The following MAN1C1 variants were observed in gnomAD, a reference collection of about 807,000 sequenced individuals.
The protein encoded by MAN1C1 is mannosidase alpha class 1C member 1.
A neutral mutation model predicts 71.5 loss-of-function variants in MAN1C1; 49 were observed. The observed-to-expected ratio is 0.69, with a 90% confidence interval of 0.54 to 0.87. The LOEUF is 0.87. Ranked by LOEUF, MAN1C1 falls within the 40% of genes least tolerant of loss-of-function variation. The pLI, the probability that MAN1C1 is intolerant of heterozygous loss-of-function variation, is 0.00. For synonymous variants in MAN1C1, 352 were observed against 343.7 expected, an observed-to-expected ratio of 1.02 and a Z score of -0.27; for missense variants, 743 against 835.0, an observed-to-expected ratio of 0.89 and a Z score of 1.36.
intron 1 of MAN1C1, among the ~76,000 whole-genome samples, chr1:25,650,497 T>G (rs1434270386): frequency 6.6e-6 from 1 of 152,172 alleles, no homozygotes; most frequent in Non-Finnish European, 1.5e-5. Context: ...TGTTCTGAGG[T>G]TATTTGGGGT....
At chr1:25,658,132 T>G (rs1572127244) in intron 1 of MAN1C1, among the ~76,000 whole-genome samples, 1 of 152,216 alleles carries the variant, frequency 6.6e-6, no homozygotes, top group Non-Finnish European at 1.5e-5. Context: ...GCCTAGTAGA[T>G]ATTAGAAATT....
intron 1 of MAN1C1, among the ~76,000 whole-genome samples, chr1:25,676,445 TG>T: frequency 6.6e-6 from 1 of 152,190 alleles, no homozygotes; most frequent in Non-Finnish European, 1.5e-5. Context: ...CAGGTCATGT[TG>T]TGTTGCCCCA....
Position 25,782,064 on chromosome 1 carries a change from G to A in MAN1C1, c.1651-521G>A, listed in dbSNP as rs1033115982. ...CGCCCCACTGCCCTCCAGCCTGGGC[G>A]ACAAAATGAGACCTTGTCTCAAGAA... On this transcript the variant is annotated intron_variant, in intron 10 of 11. Transcript: ENST00000374332. The surrounding 1 kb of genome is among the most constrained non-coding windows in gnomAD (Gnocchi z 4.4). Among the ~76,000 whole-genome samples, 14 of 150,260 alleles carry A rather than the reference G, an allele frequency of 9.3e-5. No individual in the cohort carries two copies. The highest frequency in any genetic ancestry group is 1.6e-4 in the Non-Finnish European group (11 of 67,546).
intron 1 of MAN1C1, among the ~76,000 whole-genome samples, chr1:25,680,114 G>A (rs2046130799): frequency 6.6e-6 from 1 of 151,888 alleles, no homozygotes; most frequent in African/African-American, 2.4e-5. Flanking sequence ...TCAGGCTGGA[G>A]TGCAGTGGCG....
At chr1:25,629,589 T>C (rs560781430) in intron 1 of MAN1C1, among the ~76,000 whole-genome samples, 10 of 152,208 alleles carry the variant, frequency 6.6e-5, no homozygotes, top group African/African-American at 2.4e-4. Context: ...CTGGCTGATT[T>C]CTTGTATTTT....
chr1:25,651,583 T>G (rs895614182), intron 1 of MAN1C1, among the ~76,000 whole-genome samples: 16 of 152,174 alleles, frequency 1.1e-4, no homozygotes, highest in Non-Finnish European at 5.9e-5. Flanking sequence ...GAAAATCCTT[T>G]TCTTAGAGGA....
At chr1:25,768,782 CAT>C in intron 7 of MAN1C1, among the ~76,000 whole-genome samples, 1 of 144,522 alleles carries the variant, frequency 6.9e-6, no homozygotes, top group Non-Finnish European at 1.5e-5. Context: ...TCCCCTCACA[CAT>C]ACACACATTA....
intron 1 of MAN1C1, among the ~76,000 whole-genome samples, chr1:25,659,415 C>T (rs1465382901): frequency 6.6e-6 from 1 of 152,216 alleles, no homozygotes; most frequent in Non-Finnish European, 1.5e-5. Context: ...GTAAAAAGCA[C>T]AGTGCTGGCT....
At position 25,763,937 on chromosome 1, in the gene MAN1C1, C is replaced by G. The variant is rs1217985673; in HGVS notation, c.1111C>G (p.Leu371Val). 2 of 1,613,964 alleles carry G rather than the reference C, an allele frequency of 1.2e-6. No homozygotes were observed. Among genetic ancestry groups the G allele is most frequent in the Non-Finnish European group, 8.5e-7 (1 of 1,180,018 alleles). Reference sequence around the variant, plus strand: ...GCCCTTTGGCCTCTACCCCAACTTCCTCAGCCCAGTGAGTGGGAACTGGGT... The same window carrying G: ...GCCCTTTGGCCTCTACCCCAACTTCGTCAGCCCAGTGAGTGGGAACTGGGT... Reference protein sequence around the residue: ...EKPFGLYPNFLSPVSGNWVQH... With the variant: ...EKPFGLYPNFVSPVSGNWVQH... The change falls in exon 7 of 12, where the codon CTC (leucine) becomes GTC (valine). Residue 371 changes from leucine (L) to valine (V), a missense_variant. Transcript: ENST00000374332.
At position 25,769,799 on chromosome 1, in the gene MAN1C1, C is replaced by T. The variant is rs753466687; in HGVS notation, c.1142-1858C>T. Among the ~76,000 whole-genome samples, 3 of 152,236 alleles carry T rather than the reference C, an allele frequency of 2.0e-5. No individual in the cohort carries two copies. The highest frequency in any genetic ancestry group is 1.9e-4 in the East Asian group (1 of 5,186). On this transcript the variant is annotated intron_variant, in intron 7 of 11. Transcript: ENST00000374332. The surrounding 1 kb of genome is among the most constrained non-coding windows in gnomAD (Gnocchi z 4.8). ...GGCAGACCCGTACGCAGGCACTCATCGCACACCCGGCGGGCACCCGATGGC... is the reference window on the plus strand; with the variant it reads ...GGCAGACCCGTACGCAGGCACTCATTGCACACCCGGCGGGCACCCGATGGC...
intron 1 of MAN1C1, among the ~76,000 whole-genome samples, chr1:25,632,060 G>A (rs1018665921): frequency 6.6e-6 from 1 of 152,186 alleles, no homozygotes; most frequent in Non-Finnish European, 1.5e-5. Context: ...TTACAGATGC[G>A]GGCTGCCGTG....
At chr1:25,698,813 G>A (rs1268768928) in intron 2 of MAN1C1, among the ~76,000 whole-genome samples, 5 of 151,950 alleles carry the variant, frequency 3.3e-5, no homozygotes, top group Non-Finnish European at 5.9e-5. Flanking sequence ...GCTGGGCATG[G>A]TGGCATGCAT....
chr1:25,760,701 A>G (rs1383774435), intron 6 of MAN1C1: 3 of 152,254 alleles, frequency 2.0e-5, no homozygotes, highest in Non-Finnish European at 2.9e-5. Flanking sequence ...GTCTGCCTGC[A>G]GAAAGGTGGC....
intron 1 of MAN1C1, among the ~76,000 whole-genome samples, chr1:25,620,224 GA>G (rs1254402422): frequency 6.6e-6 from 1 of 152,192 alleles, no homozygotes; most frequent in Non-Finnish European, 1.5e-5. Context: ...CATGATGGGA[GA>G]AGGTCTAAGT....
Position 25,699,257 on chromosome 1 carries a change from G to A in MAN1C1, c.637+12721G>A, listed in dbSNP as rs187065714. Among the ~76,000 whole-genome samples, 15 of 151,156 alleles carry A rather than the reference G, an allele frequency of 9.9e-5. No homozygotes were observed. In the East Asian group the frequency reaches 1.4e-3, roughly 14 times the overall value. On this transcript the variant is annotated intron_variant, in intron 2 of 11. Transcript: ENST00000374332. ...CGAGATTGCGGTGAGCTGAGATTGC[G>A]CCATTGCACTCCAGCCTGGGCAACA...
At chr1:25,712,298 C>T (rs960988853) in intron 2 of MAN1C1, among the ~76,000 whole-genome samples, 7 of 152,346 alleles carry the variant, frequency 4.6e-5, no homozygotes, top group East Asian at 3.9e-4. Flanking sequence ...CACATACTAA[C>T]GTGCCCGTTA....
chr1:25,674,911 T>C (rs1010868433), intron 1 of MAN1C1, among the ~76,000 whole-genome samples: 1 of 152,040 alleles, frequency 6.6e-6, no homozygotes, highest in East Asian at 1.9e-4. Flanking sequence ...GGAGGACCCA[T>C]CTAGGCCAGT....
chr1:25,624,238 G>T (rs1326620144), intron 1 of MAN1C1, among the ~76,000 whole-genome samples: 1 of 152,132 alleles, frequency 6.6e-6, no homozygotes, highest in Non-Finnish European at 1.5e-5. Context: ...TTCACTCTGG[G>T]GGCTGGTCAG....
rs1572216237 is a variant in MAN1C1 at position 25,779,943 on chromosome 1, A to G, written c.1478-997A>G. ...GGTGACCTGGACAGGAGGGACAGGC[A>G]TTAAAGGGAGAAGGATCTGGCCCTC... On this transcript the variant is annotated intron_variant, in intron 9 of 11. Coordinates refer to ENST00000374332, the MANE Select transcript of MAN1C1 (RefSeq NM_020379.4). The surrounding 1 kb of genome is among the most constrained non-coding windows in gnomAD (Gnocchi z 4.6). Among the ~76,000 whole-genome samples the G allele has an allele frequency of 6.6e-6, 1 of 152,156 alleles. No homozygotes were observed. Among genetic ancestry groups the G allele is most frequent in the South Asian group, 2.1e-4 (1 of 4,828 alleles).
Sources: gnomAD v4.1 joint callset for allele counts (sites outside exome capture counted in the v4.1 genomes callset) on GRCh38, gnomAD v4.1.1 for gene constraint, Gnocchi (gnomAD v3.1) non-coding constraint, MANE v1.5 for transcripts, NCBI Gene and HGNC (gene_info 2026-07-23, HGNC 2026-07-21) for gene names.